SLC25A16: variants seen among roughly 807,000 people sequenced by gnomAD.
The protein encoded by SLC25A16 is mitochondrial coenzyme A transporter SLC25A16.
SLC25A16 carries 39 observed loss-of-function variants against 41.5 expected under a neutral mutation model. That is an observed-to-expected ratio of 0.94 (90% confidence interval 0.73 to 1.23). The LOEUF (loss-of-function observed/expected upper bound fraction) is 1.23. Among genes scored for constraint, SLC25A16 ranks in the 50% most tolerant of loss-of-function variants. SLC25A16 has a pLI of 0.00. For synonymous variants in SLC25A16, 146 were observed against 147.8 expected (o/e 0.99, Z 0.09); for missense variants, 421 against 426.9 (o/e 0.99, Z 0.12).
chr10:68,521,844 G>C (rs12244117), intron 1 of SLC25A16, among the ~76,000 whole-genome samples: 1 of 151,118 alleles, frequency 6.6e-6, no homozygotes, highest in South Asian at 2.1e-4. Context: ...TGATCCGCCC[G>C]CCTCGGCCTC....
chr10:68,501,736 G>A (rs777210789), intron 4 of SLC25A16, among the ~76,000 whole-genome samples: 2 of 151,742 alleles, frequency 1.3e-5, no homozygotes, highest in Non-Finnish European at 2.9e-5. Flanking sequence ...CCTGGGCAAC[G>A]GAGCAAGACT....
At chr10:68,516,460 A>G (rs1355952139) in intron 2 of SLC25A16, among the ~76,000 whole-genome samples, 2 of 152,310 alleles carry the variant, frequency 1.3e-5, no homozygotes, top group Non-Finnish European at 2.9e-5. Flanking sequence ...GCTTGCTTGG[A>G]GCAGAATAAG....
chr10:68,484,317 A>C (rs2052524674), intron 8 of SLC25A16, among the ~76,000 whole-genome samples: 1 of 152,174 alleles, frequency 6.6e-6, no homozygotes, highest in Admixed American at 6.6e-5. Context: ...AGATTTCAGC[A>C]ATGAACACTT....
Position 68,483,238 on chromosome 10 carries a change from T to C in SLC25A16, c.*194A>G. 1 of 495,494 alleles carries C rather than the reference T, an allele frequency of 2.0e-6. No individual in the cohort carries two copies. Among genetic ancestry groups the C allele is most frequent in the Non-Finnish European group, 3.6e-6 (1 of 280,200 alleles). 30.7% of individuals were successfully genotyped at this position (495,494 alleles called of 1,614,324 possible). ...ATATTTTCTTCAATGTTCTAAGGTA[T>C]AATGTTTGGCATCAAAAAGTATGGT... On this transcript the variant is annotated 3_prime_UTR_variant, in exon 9 of 9. Transcript: ENST00000609923.
At chr10:68,526,063 G>A (rs1186627437) in intron 1 of SLC25A16, among the ~76,000 whole-genome samples, 1 of 151,908 alleles carries the variant, frequency 6.6e-6, no homozygotes, top group Non-Finnish European at 1.5e-5. Context: ...GGAAAGACCT[G>A]AACGTCCCCC....
intron 1 of SLC25A16, chr10:68,517,329 T>A: frequency 4.0e-5 from 32 of 797,536 alleles, no homozygotes; most frequent in Non-Finnish European, 4.9e-5. Context: ...ATTTATACAT[T>A]CAGCAAATAT....
In SLC25A16 at chr10:68,524,171, G is replaced by A. The variant is rs533663262; in HGVS notation, c.130+3075C>T. Among the ~76,000 whole-genome samples the A allele has an allele frequency of 4.1e-3, 618 of 151,810 alleles. 7 individuals are homozygous for A. The highest frequency in any genetic ancestry group is 0.014 in the African/African-American group (596 of 41,356). The stretch of plus-strand genomic sequence containing the variant: ...TAAAAATACAAAAAATTAGCCGGGC[G>A]TGGTGGCGGGCGCCTGTAGTCCCAG... On this transcript the variant is annotated intron_variant, in intron 1 of 8. Coordinates refer to ENST00000609923, the MANE Select transcript of SLC25A16 (RefSeq NM_152707.4).
chr10:68,526,157 G>C (rs2053334788), intron 1 of SLC25A16, among the ~76,000 whole-genome samples: 1 of 151,662 alleles, frequency 6.6e-6, no homozygotes, highest in Non-Finnish European at 1.5e-5. Flanking sequence ...CAAGAGGAAG[G>C]CATCTGTCTC....
rs778512677 is a variant in SLC25A16 at position 68,483,527 on chromosome 10, G to C, written c.904C>G (p.Arg302Gly). 6.2e-7 allele frequency: 1 copy of C among 1,611,472 alleles called. No homozygotes were observed. Among genetic ancestry groups the C allele is most frequent in the East Asian group, 2.2e-5 (1 of 44,866 alleles). Residue 302 changes from arginine to glycine, a missense_variant, in exon 9 of 9, where the codon CGT (arginine) becomes GGT (glycine). Arg to Gly is a moderately radical substitution (Grantham distance 125). Coordinates refer to ENST00000609923, the MANE Select transcript of SLC25A16 (RefSeq NM_152707.4). ...CGAATGTAATTAAGAGATAAACCACGATAGAGTCCTTTTCGAATTCCATGG... is the reference window on the plus strand; with the variant it reads ...CGAATGTAATTAAGAGATAAACCACCATAGAGTCCTTTTCGAATTCCATGG... Reference protein sequence around the residue: ...GHHGIRKGLYRGLSLNYIRCI... With the variant: ...GHHGIRKGLYGGLSLNYIRCI...
chr10:68,520,358 A>C (rs1383256678), intron 1 of SLC25A16, among the ~76,000 whole-genome samples: 1 of 152,124 alleles, frequency 6.6e-6, no homozygotes, highest in Non-Finnish European at 1.5e-5. Flanking sequence ...CCATGTTCAA[A>C]AAATATTAGA....
intron 8 of SLC25A16, 167 bp from the exon 9 acceptor site, chr10:68,483,755 C>A (rs548157067): frequency 5.8e-6 from 1 of 173,186 alleles, no homozygotes; most frequent in East Asian, 1.9e-4. Context: ...CTCTGCCTCC[C>A]AGGTTCAAGT....
At chr10:68,488,013 C>A (rs527834158) in intron 7 of SLC25A16, among the ~76,000 whole-genome samples, 1 of 152,032 alleles carries the variant, frequency 6.6e-6, no homozygotes. Context: ...CCACCACACC[C>A]GGCTAATTTT....
intron 4 of SLC25A16, among the ~76,000 whole-genome samples, chr10:68,502,896 A>G (rs1398277702): frequency 1.9e-4 from 3 of 15,670 alleles, no homozygotes; most frequent in Admixed American, 1.1e-3. Flanking sequence ...GGGGGAGGGG[A>G]GGGGAAAGGA....
chr10:68,493,901 G>C (rs1025098290), intron 4 of SLC25A16, among the ~76,000 whole-genome samples: 1 of 152,090 alleles, frequency 6.6e-6, no homozygotes, highest in Non-Finnish European at 1.5e-5. Context: ...ATATCAGAAA[G>C]GAAACACAGT....
At chr10:68,497,908 T>C (rs149311726) in intron 4 of SLC25A16, among the ~76,000 whole-genome samples, 1 of 152,138 alleles carries the variant, frequency 6.6e-6, no homozygotes, top group East Asian at 1.9e-4. Context: ...TACTCTGCCT[T>C]TATTTTTATT....
At position 68,483,139 on chromosome 10, in the gene SLC25A16, C is replaced by A. The variant is rs2052504750; in HGVS notation, c.*293G>T. ...AGCATGACAAAGCTAATGGCAACCT[C>A]TTGAACCCCGTTTTAAAGCTAGTTC... On this transcript the variant is annotated 3_prime_UTR_variant, in exon 9 of 9. Transcript: ENST00000609923. 9.3e-6 allele frequency: 2 copies of A among 214,156 alleles called. No individual in the cohort carries two copies. The highest frequency in any genetic ancestry group is 1.8e-5 in the Non-Finnish European group (2 of 108,948). 13.3% of individuals were successfully genotyped at this position (214,156 alleles called of 1,614,324 possible). A position where few individuals can be genotyped will look rare whatever the true frequency, so the allele number is the denominator to read the frequency against.
At position 68,493,007 on chromosome 10, in the gene SLC25A16, T is replaced by C. The variant is rs900029106; in HGVS notation, c.610+125A>G. ...CAAGATATTATTATGTGACCATCCA[T>C]AAATCATTTCTTATTAAAAGTACTT... On this transcript the variant is annotated intron_variant, in intron 6 of 8. Coordinates refer to ENST00000609923, the MANE Select transcript of SLC25A16 (RefSeq NM_152707.4). 4.9e-5 allele frequency: 32 copies of C among 654,916 alleles called. No homozygotes were observed. In the African/African-American group the frequency reaches 5.3e-4, roughly 11 times the overall value. 40.6% of individuals were successfully genotyped at this position (654,916 alleles called of 1,614,324 possible).
At chr10:68,509,727 C>CTATCTATATATA (rs1554919942) in intron 2 of SLC25A16, among the ~76,000 whole-genome samples, 1 of 140,074 alleles carries the variant, frequency 7.1e-6, no homozygotes, top group East Asian at 2.0e-4. Flanking sequence ...ATATATCTAT[C>CTATCTATATATA]TATCTATATA....
rs373242003 is a variant in SLC25A16 at position 68,483,508 on chromosome 10, T to C, written c.923A>G (p.Tyr308Cys). Reference protein sequence around the residue: ...KGLYRGLSLNYIRCIPSQAVA... With the variant: ...KGLYRGLSLNCIRCIPSQAVA... ...TGCTTGAGAGGGAATACAGCGAATG[T>C]AATTAAGAGATAAACCACGATAGAG... Residue 308 changes from tyrosine to cysteine, a missense_variant, in exon 9 of 9, where the codon TAC (tyrosine) becomes TGC (cysteine). Tyr to Cys is a radical substitution (Grantham distance 194). Coordinates refer to ENST00000609923, the MANE Select transcript of SLC25A16 (RefSeq NM_152707.4). 3.1e-6 allele frequency: 5 copies of C among 1,612,948 alleles called. No individual in the cohort carries two copies. In the African/African-American group the frequency reaches 6.7e-5, roughly 22 times the overall value.
Sources: gnomAD v4.1 joint callset for allele counts (sites outside exome capture counted in the v4.1 genomes callset) on GRCh38, gnomAD v4.1.1 for gene constraint, MANE v1.5 for transcripts, NCBI Gene and HGNC (gene_info 2026-07-23, HGNC 2026-07-21) for gene names.